BICD2: variants seen among roughly 807,000 people sequenced by gnomAD.
The protein encoded by BICD2 is BICD cargo adaptor 2.
Under a neutral mutation model 72.9 loss-of-function variants are expected in BICD2, and 25 were observed. The observed-to-expected ratio is 0.34, with a 90% CI of 0.25 to 0.48. The LOEUF (loss-of-function observed/expected upper bound fraction) is 0.48. Ranked by LOEUF, BICD2 falls within the 20% of genes least tolerant of loss-of-function variation. BICD2 has a pLI of 0.99. For missense variants in BICD2, 894 were observed against 1,175.2 expected (o/e 0.76, Z 3.50); for synonymous variants, 501 against 516.1 (o/e 0.97, Z 0.40).
chr9:92,748,302 C>T (rs576629199), intron 1 of BICD2, among the ~76,000 whole-genome samples: 29 of 152,274 alleles, frequency 1.9e-4, no homozygotes, highest in African/African-American at 6.0e-4. Flanking sequence ...GAATCACGCA[C>T]GATGTGCACA....
At chr9:92,736,488 C>T (rs905905027) in intron 1 of BICD2, among the ~76,000 whole-genome samples, 1 of 152,224 alleles carries the variant, frequency 6.6e-6, no homozygotes, top group Non-Finnish European at 1.5e-5. Flanking sequence ...CTGTACACCC[C>T]TTTCCCAGAA....
Position 92,712,061 on chromosome 9 carries a change from A to G in BICD2, c.*3093T>C, listed in dbSNP as rs1056232992. ...CGCTTTCACATTTGCAAAGAATACT[A>G]TGGCTAACCCTCATCCCCTACTGCG... On this transcript the variant is annotated 3_prime_UTR_variant, in exon 7 of 7. Coordinates refer to ENST00000356884, the MANE Select transcript of BICD2 (RefSeq NM_001003800.2). 3 of 152,622 alleles carry G rather than the reference A, an allele frequency of 2.0e-5. No individual in the cohort carries two copies. The highest frequency in any genetic ancestry group is 7.2e-5 in the African/African-American group (3 of 41,448). The allele number at this position is 152,622 out of a possible 1,614,324, so 9.5% of individuals were successfully genotyped here.
intron 1 of BICD2, among the ~76,000 whole-genome samples, chr9:92,754,070 G>A (rs1157250624): frequency 3.3e-5 from 5 of 151,624 alleles, no homozygotes; most frequent in Non-Finnish European, 5.9e-5. Flanking sequence ...GCGTGAACCC[G>A]GGAGGCGGAG....
At chr9:92,744,871 G>A (rs553371662) in intron 1 of BICD2, among the ~76,000 whole-genome samples, 1 of 151,940 alleles carries the variant, frequency 6.6e-6, no homozygotes, top group African/African-American at 2.4e-5. Context: ...AGGAAAAGCT[G>A]CAGAATAGCA....
Position 92,719,272 on chromosome 9 carries a change from C to A in BICD2, c.1373G>T (p.Ser458Ile). The A allele has an allele frequency of 5.6e-6, 9 of 1,613,734 alleles. No homozygotes were observed. The highest frequency in any genetic ancestry group is 7.6e-6 in the Non-Finnish European group (9 of 1,180,026). The change falls in exon 5 of 7, where the codon AGC (serine) becomes ATC (isoleucine). Residue 458 changes from serine to isoleucine, a missense_variant. By Grantham distance (142) the Ser-to-Ile change is moderately radical. Transcript: ENST00000356884. ...CTGGGCCTCACGAGCCTCGTGCGTGCTGCGCAGTGCCTTGAGCTGCTCGCG... is the reference window on the plus strand; with the variant it reads ...CTGGGCCTCACGAGCCTCGTGCGTGATGCGCAGTGCCTTGAGCTGCTCGCG... ...ELREQLKALRSTHEAREAQHA... is the reference protein window; with the variant it reads ...ELREQLKALRITHEAREAQHA...
At chr9:92,740,164 G>C (rs1853871365) in intron 1 of BICD2, among the ~76,000 whole-genome samples, 1 of 152,130 alleles carries the variant, frequency 6.6e-6, no homozygotes, top group Admixed American at 6.5e-5. Flanking sequence ...AATCAGAACT[G>C]GCAGAGACAT....
chr9:92,724,933 C>T (rs918418242), intron 2 of BICD2, among the ~76,000 whole-genome samples: 5 of 152,188 alleles, frequency 3.3e-5, no homozygotes, highest in South Asian at 2.1e-4. Flanking sequence ...TGATTCAACG[C>T]GGCCACCCAG....
chr9:92,713,425 G>A lies in BICD2; in HGVS notation c.*1729C>T. On this transcript the variant is annotated 3_prime_UTR_variant, in exon 7 of 7. Transcript: ENST00000356884. ...GGGGAAGGGGCTGCAGTGTGACAGG[G>A]CCGGGTGGCCAAGTCCTCCTGGCAG... The A allele has an allele frequency of 6.3e-7, 1 of 1,582,902 alleles. No individual in the cohort carries two copies. The highest frequency in any genetic ancestry group is 1.3e-5 in the African/African-American group (1 of 74,586).
intron 1 of BICD2, among the ~76,000 whole-genome samples, chr9:92,746,281 C>A (rs1288951551): frequency 6.6e-6 from 1 of 152,148 alleles, no homozygotes; most frequent in East Asian, 1.9e-4. Flanking sequence ...CCTGTAATCC[C>A]AGCACTTTGG....
In BICD2 at chr9:92,714,943, C is replaced by T; in HGVS notation, c.*211G>A. 7.2e-7 allele frequency: 1 copy of T among 1,384,804 alleles called. No individual in the cohort carries two copies. The highest frequency in any genetic ancestry group is 9.3e-7 in the Non-Finnish European group (1 of 1,072,782). The allele number at this position is 1,384,804 out of a possible 1,614,324, so 85.8% of individuals were successfully genotyped here. On this transcript the variant is annotated 3_prime_UTR_variant, in exon 7 of 7. Transcript: ENST00000356884. ...CCCCACCTAAGAGAGCAGCTGAGGACTGGGTGCTCCTGAGGGGGCTTTGAG... is the reference window on the plus strand; with the variant it reads ...CCCCACCTAAGAGAGCAGCTGAGGATTGGGTGCTCCTGAGGGGGCTTTGAG...
chr9:92,744,100 C>A (rs1212051972), intron 1 of BICD2, among the ~76,000 whole-genome samples: 1 of 152,186 alleles, frequency 6.6e-6, no homozygotes, highest in Admixed American at 6.5e-5. Flanking sequence ...CAGGCAACAG[C>A]CACCCCATGA....
chr9:92,744,240 C>A (rs950800862), intron 1 of BICD2, among the ~76,000 whole-genome samples: 2 of 152,138 alleles, frequency 1.3e-5, no homozygotes, highest in Non-Finnish European at 2.9e-5. Context: ...CAAATACAAG[C>A]AGCAATGAGG....
intron 1 of BICD2, among the ~76,000 whole-genome samples, chr9:92,731,987 G>A (rs1476976039): frequency 6.6e-6 from 1 of 152,184 alleles, no homozygotes; most frequent in Non-Finnish European, 1.5e-5. Flanking sequence ...GGATCAATCT[G>A]ATTCCAAGTC....
chr9:92,743,454 A>G (rs1286078605), intron 1 of BICD2, among the ~76,000 whole-genome samples: 2 of 150,512 alleles, frequency 1.3e-5, no homozygotes, highest in Middle Eastern at 3.2e-3. Context: ...TTTGGCCTCC[A>G]AAAGTGCTGG....
chr9:92,725,308 T>C (rs942433344), intron 2 of BICD2, among the ~76,000 whole-genome samples: 1 of 152,228 alleles, frequency 6.6e-6, no homozygotes, highest in Non-Finnish European at 1.5e-5. Context: ...CCAGGTCAAA[T>C]GCTGGCCTGG....
Position 92,715,141 on chromosome 9 carries a change from C to A in BICD2, c.*13G>T. On this transcript the variant is annotated 3_prime_UTR_variant, in exon 7 of 7. Transcript: ENST00000356884. Reference sequence around the variant, plus strand: ...AGCAGATGTTAGCTGCAGCGTGCGGCGCCCCACAGCCCCTAATCACAGTAA... The same window carrying A: ...AGCAGATGTTAGCTGCAGCGTGCGGAGCCCCACAGCCCCTAATCACAGTAA... 2 of 1,556,754 alleles carry A rather than the reference C, an allele frequency of 1.3e-6. No homozygotes were observed. Among genetic ancestry groups the A allele is most frequent in the Non-Finnish European group, 1.7e-6 (2 of 1,147,422 alleles).
intron 2 of BICD2, among the ~76,000 whole-genome samples, chr9:92,727,936 T>C (rs1205079724): frequency 6.6e-6 from 1 of 152,212 alleles, no homozygotes; most frequent in Non-Finnish European, 1.5e-5. Flanking sequence ...TCTAGGAGAA[T>C]GAGGCTTTGC....
intron 1 of BICD2, among the ~76,000 whole-genome samples, chr9:92,757,040 T>C (rs760016543): frequency 6.6e-6 from 1 of 151,824 alleles, no homozygotes; most frequent in Non-Finnish European, 1.5e-5. Flanking sequence ...GCGCTGTCTT[T>C]AAAATGACAA....
At chr9:92,735,273 G>A (rs762398789) in intron 1 of BICD2, among the ~76,000 whole-genome samples, 3 of 152,170 alleles carry the variant, frequency 2.0e-5, no homozygotes, top group Admixed American at 1.3e-4. Context: ...GGGGAGCCAG[G>A]ACCAGACACC....
Sources: allele counts gnomAD v4.1 joint callset (sites outside exome capture counted in the v4.1 genomes callset), GRCh38; gene constraint gnomAD v4.1.1; transcripts MANE v1.5; gene names NCBI Gene and HGNC (gene_info 2026-07-23, HGNC 2026-07-21).